GABBR2: variants seen among roughly 807,000 people sequenced by gnomAD.
GABBR2 encodes the protein gamma-aminobutyric acid type B receptor subunit 2.
A neutral mutation model predicts 105.6 loss-of-function variants in GABBR2; 23 were observed. That is an observed-to-expected ratio of 0.22 (90% CI 0.16 to 0.31). The LOEUF (loss-of-function observed/expected upper bound fraction) is 0.31, where lower values mean the gene tolerates loss of function less well. Ranked by LOEUF, GABBR2 falls within the 10% of genes least tolerant of loss-of-function variation. The pLI is 1.00. For synonymous variants in GABBR2, 478 were observed against 499.7 expected (o/e 0.96, Z 0.58); for missense variants, 734 against 1,245.5 (o/e 0.59, Z 6.18).
intron 17 of GABBR2, among the ~76,000 whole-genome samples, chr9:98,296,049 T>G (rs1451724188): frequency 6.6e-6 from 1 of 152,230 alleles, no homozygotes; most frequent in Non-Finnish European, 1.5e-5. Flanking sequence ...TCCATACTGC[T>G]ATGGTCTGAA....
rs117161836 is a variant in GABBR2, at chr9:98,654,017, G to T, written c.321+54400C>A. On this transcript the variant is annotated intron_variant, in intron 1 of 18. Transcript: ENST00000259455. ...TGCTCAATGTCACAAAGCTCACAAG[G>T]ACTATCCTGGGACTTACATTCTGGT... Among the ~76,000 whole-genome samples the T allele has an allele frequency of 1.6e-4, 25 of 152,334 alleles. 1 individual carries two copies. In the East Asian group the frequency reaches 4.8e-3, roughly 29 times the overall value.
chr9:98,584,895 T>G (rs1294656756), intron 1 of GABBR2, among the ~76,000 whole-genome samples: 16 of 152,212 alleles, frequency 1.1e-4, no homozygotes, highest in Admixed American at 1.0e-3. Context: ...GGTCTCACTC[T>G]CTCACTAGGG....
intron 15 of GABBR2, among the ~76,000 whole-genome samples, chr9:98,305,764 G>A (rs113972913): frequency 1.3e-4 from 19 of 151,288 alleles, no homozygotes; most frequent in East Asian, 1.9e-4. Flanking sequence ...GCAGTGAGCC[G>A]AGAGATCACA....
At chr9:98,568,219 C>T (rs1195910748) in intron 2 of GABBR2, among the ~76,000 whole-genome samples, 1 of 152,160 alleles carries the variant, frequency 6.6e-6, no homozygotes, top group East Asian at 1.9e-4. Flanking sequence ...ATCCCTCACA[C>T]ACATTATTGG....
chr9:98,522,811 T>C (rs930858612), intron 3 of GABBR2, among the ~76,000 whole-genome samples: 3 of 152,136 alleles, frequency 2.0e-5, no homozygotes, highest in African/African-American at 7.2e-5. Flanking sequence ...GTAGTATAGT[T>C]TCAAAATAAA....
intron 14 of GABBR2, 96 bp downstream of exon 14, chr9:98,310,998 AG>A (rs1251235343): frequency 9.9e-6 from 7 of 703,688 alleles, no homozygotes; most frequent in Non-Finnish European, 1.8e-5. Flanking sequence ...TTAGTCATGG[AG>A]GCTCTGTTTA....
intron 2 of GABBR2, among the ~76,000 whole-genome samples, chr9:98,560,422 C>T (rs1183828937): frequency 5.5e-5 from 7 of 127,582 alleles, no homozygotes; most frequent in Non-Finnish European, 8.6e-5. Context: ...CACACATATA[C>T]ACATACACAC....
At chr9:98,420,480 A>G (rs1244704642) in intron 7 of GABBR2, among the ~76,000 whole-genome samples, 1 of 58,494 alleles carries the variant, frequency 1.7e-5, no homozygotes, top group African/African-American at 5.3e-5. Context: ...CCGGGAATTT[A>G]CACTTTTTTT....
At chr9:98,696,026 A>G (rs984149925) in intron 1 of GABBR2, among the ~76,000 whole-genome samples, 35 of 152,362 alleles carry the variant, frequency 2.3e-4, no homozygotes, top group African/African-American at 7.9e-4. Flanking sequence ...CATGGAGTTC[A>G]CAGTCCCCTT....
At chr9:98,653,315 G>A (rs1830134809) in intron 1 of GABBR2, among the ~76,000 whole-genome samples, 2 of 152,186 alleles carry the variant, frequency 1.3e-5, no homozygotes, top group South Asian at 4.1e-4. Flanking sequence ...TATTTCTAAA[G>A]CACAGCCAGA....
chr9:98,347,830 TGTCAAGGGTG>T (rs1831326389), intron 13 of GABBR2, among the ~76,000 whole-genome samples: 1 of 152,188 alleles, frequency 6.6e-6, no homozygotes, highest in South Asian at 2.1e-4. Context: ...AATCCCCACA[TGTCAAGGGTG>T]GCGCCAGGTG....
chr9:98,428,741 T>G (rs758789359), intron 7 of GABBR2, among the ~76,000 whole-genome samples: 1 of 152,220 alleles, frequency 6.6e-6, no homozygotes, highest in Non-Finnish European at 1.5e-5. Context: ...GGGATTTTGC[T>G]GGTGCTATAA....
At chr9:98,523,233 T>C (rs1230601020) in intron 3 of GABBR2, among the ~76,000 whole-genome samples, 1 of 152,204 alleles carries the variant, frequency 6.6e-6, no homozygotes, top group African/African-American at 2.4e-5. Context: ...GGGAAGGTAT[T>C]ATTCAGGAGA....
Position 98,394,221 on chromosome 9 carries a change from A to G in GABBR2, c.1332T>C (p.Ala444=), listed in dbSNP as rs1383801309. ...TGATGATCTCCAGTGTGTCGGCCAC[A>G]GCGTTGTACTCTCCCACCTTCACCT... ...SREVKVGEYN[A]VADTLEIIND... The change falls in exon 9 of 19, where the codon GCT becomes GCC. Residue 444 remains alanine, a synonymous_variant. Coordinates refer to ENST00000259455, the MANE Select transcript of GABBR2 (RefSeq NM_005458.8). The G allele has an allele frequency of 1.2e-6, 2 of 1,613,992 alleles. No individual in the cohort carries two copies. The highest frequency in any genetic ancestry group is 2.2e-5 in the East Asian group (1 of 44,886).
In GABBR2 at chr9:98,442,952, A is replaced by G. The variant is rs1826057349; in HGVS notation, c.1236+11029T>C. Among the ~76,000 whole-genome samples, 7 of 152,212 alleles carry G rather than the reference A, an allele frequency of 4.6e-5. No homozygotes were observed. The South Asian group carries it at 1.4e-3, about 32-fold the overall frequency. ...CTTCAGTACGACCTCATCTTAACTA[A>G]TCACATCTGTAACAACCCTATTTCC... On this transcript the variant is annotated intron_variant, in intron 7 of 18. Transcript: ENST00000259455.
chr9:98,462,702 C>T (rs995778169), intron 6 of GABBR2, among the ~76,000 whole-genome samples: 4 of 152,122 alleles, frequency 2.6e-5, no homozygotes, highest in East Asian at 1.9e-4. Flanking sequence ...TCACTGCTTG[C>T]GGATGTGTAA....
intron 7 of GABBR2, among the ~76,000 whole-genome samples, chr9:98,448,567 C>T (rs922214167): frequency 6.6e-6 from 1 of 152,150 alleles, no homozygotes; most frequent in Non-Finnish European, 1.5e-5. Flanking sequence ...CAGGCACCTG[C>T]CACCATGCCC....
intron 16 of GABBR2, 48 bp downstream of exon 16, chr9:98,303,193 G>C (rs1386823864): frequency 1.3e-6 from 2 of 1,507,768 alleles, no homozygotes; most frequent in Non-Finnish European, 1.8e-6. Flanking sequence ...GGGTTAGAGG[G>C]GCTTCAGTGG....
intron 8 of GABBR2, among the ~76,000 whole-genome samples, chr9:98,397,737 T>C (rs1425151043): frequency 2.0e-5 from 3 of 152,192 alleles, no homozygotes; most frequent in African/African-American, 7.2e-5. Context: ...AAGCCTTCCC[T>C]GAGTACTGTT....
Sources: allele counts gnomAD v4.1 joint callset (sites outside exome capture counted in the v4.1 genomes callset), GRCh38; gene constraint gnomAD v4.1.1; transcripts MANE v1.5; gene names NCBI Gene and HGNC (gene_info 2026-07-23, HGNC 2026-07-21).